The following DPF3 variants were observed in gnomAD, a reference collection of about 807,000 sequenced individuals.
DPF3 encodes the protein double PHD fingers 3.
DPF3 carries 18 observed loss-of-function variants against 56.8 expected under a neutral mutation model. The ratio of observed to expected loss-of-function variants is 0.32; its 90% CI spans 0.22 to 0.47. DPF3 has a LOEUF of 0.47. Among genes scored for constraint, DPF3 ranks in the 20% least tolerant of loss-of-function variants. The probability of loss-of-function intolerance (pLI) is 1.00; values close to 1 mark genes in which losing one functional copy is unlikely to be tolerated. For synonymous variants in DPF3, 188 were observed against 180.2 expected (o/e 1.04, Z -0.35); for missense variants, 403 against 488.8 (o/e 0.82, Z 1.65).
At position 72,618,058 on chromosome 14, in the gene DPF3, AT is replaced by A. The variant is rs564795126; in HGVS notation, c.*1238del. ...CTCCCCACCTCTTTCTTCTAGACAC[AT>A]TTTTTTTTGAAAACAAGAGTCCTGC... On this transcript the variant is annotated 3_prime_UTR_variant, in exon 11 of 11. Coordinates refer to ENST00000556509, the MANE Select transcript of DPF3 (RefSeq NM_001280542.3). Among the ~76,000 whole-genome samples the A allele has an allele frequency of 6.6e-6, 1 of 151,220 alleles. No individual in the cohort carries two copies. The highest frequency in any genetic ancestry group is 2.4e-5 in the African/African-American group (1 of 41,194).
At chr14:72,703,129 G>T (rs1888247875) in intron 6 of DPF3, among the ~76,000 whole-genome samples, 3 of 152,140 alleles carry the variant, frequency 2.0e-5, no homozygotes, top group Admixed American at 2.0e-4. Context: ...ATAGGAAAAT[G>T]ATGAGGCTCC....
chr14:72,759,742 A>G (rs888775317), intron 2 of DPF3, among the ~76,000 whole-genome samples: 1 of 152,202 alleles, frequency 6.6e-6, no homozygotes, highest in African/African-American at 2.4e-5. Context: ...CATAATCAAA[A>G]CTGCTCAAAA....
At position 72,793,879 on chromosome 14, in the gene DPF3, C is replaced by G. The variant is rs1892537870; in HGVS notation, c.33-21986G>C. On this transcript the variant is annotated intron_variant, in intron 1 of 10. Coordinates refer to ENST00000556509, the MANE Select transcript of DPF3 (RefSeq NM_001280542.3). ...CAAGAGAAAATGCCTTGCTGGCCAG[C>G]TGGGTTCTCTGGCCACCCTCCAGCC... Among the ~76,000 whole-genome samples, 4 of 152,228 alleles carry G rather than the reference C, an allele frequency of 2.6e-5. No individual in the cohort carries two copies. The South Asian group carries it at 8.3e-4, about 32-fold the overall frequency.
intron 8 of DPF3, among the ~76,000 whole-genome samples, chr14:72,650,039 T>A (rs539197945): frequency 8.3e-4 from 126 of 152,166 alleles, no homozygotes; most frequent in Non-Finnish European, 1.4e-3. Flanking sequence ...TGGCCTCCCC[T>A]GCCAGAGGGC....
At chr14:72,707,598 A>G (rs1469866949) in intron 6 of DPF3, among the ~76,000 whole-genome samples, 3 of 152,218 alleles carry the variant, frequency 2.0e-5, no homozygotes, top group Non-Finnish European at 4.4e-5. Context: ...TGACACAGAA[A>G]GATGTTCCTG....
At chr14:72,656,308 C>T (rs1886060791) in intron 8 of DPF3, among the ~76,000 whole-genome samples, 1 of 152,194 alleles carries the variant, frequency 6.6e-6, no homozygotes. Flanking sequence ...CACATCATTC[C>T]TAGTTTAACG....
At chr14:72,852,000 GA>G (rs1885003746) in intron 1 of DPF3, among the ~76,000 whole-genome samples, 1 of 152,246 alleles carries the variant, frequency 6.6e-6, no homozygotes, top group South Asian at 2.1e-4. Context: ...ACGCTTTCAA[GA>G]AGAACATTAT....
chr14:72,634,262 T>C (rs116835357), intron 8 of DPF3, among the ~76,000 whole-genome samples: 1,826 of 152,272 alleles, frequency 0.012, 38 homozygotes, highest in African/African-American at 0.042. Context: ...TGCCCAGAAC[T>C]AAATCCTCCT....
chr14:72,769,299 G>C (rs1020301720), intron 2 of DPF3, among the ~76,000 whole-genome samples: 21 of 152,160 alleles, frequency 1.4e-4, no homozygotes, highest in African/African-American at 4.8e-4. Context: ...GTCCTGGAGA[G>C]GAGGAAGTGT....
intron 8 of DPF3, among the ~76,000 whole-genome samples, chr14:72,640,074 A>AAAAAAAAAAAAAAAAAAAAAAAAAAAG (rs1885507231): frequency 9.3e-6 from 1 of 107,886 alleles, no homozygotes; most frequent in Non-Finnish European, 2.1e-5. Context: ...AAAAAAAAAA[A>AAAAAAAAAAAAAAAAAAAAAAAAAAAG]AAAAAATGGA....
chr14:72,702,043 A>G (rs1437589280), intron 6 of DPF3, among the ~76,000 whole-genome samples: 1 of 152,210 alleles, frequency 6.6e-6, no homozygotes, highest in Non-Finnish European at 1.5e-5. Context: ...CCACAGATGA[A>G]GAAACTGAGT....
At chr14:72,695,858 G>T (rs962038297) in intron 6 of DPF3, among the ~76,000 whole-genome samples, 1 of 151,864 alleles carries the variant, frequency 6.6e-6, no homozygotes, top group Admixed American at 6.6e-5. Flanking sequence ...AAATAAATAG[G>T]CCTATCATTG....
At chr14:72,692,505 A>G (rs1026171937) in intron 7 of DPF3, among the ~76,000 whole-genome samples, 1 of 152,216 alleles carries the variant, frequency 6.6e-6, no homozygotes, top group African/African-American at 2.4e-5. Context: ...CCAACATCCC[A>G]AACGACAAAT....
intron 1 of DPF3, among the ~76,000 whole-genome samples, chr14:72,852,294 C>T (rs1158221326): frequency 6.6e-6 from 1 of 152,222 alleles, no homozygotes; most frequent in Non-Finnish European, 1.5e-5. Flanking sequence ...GCCGTGTGTA[C>T]CCAGCCGGGC....
In DPF3 at chr14:72,729,074, C is replaced by T. The variant is rs551385484; in HGVS notation, c.429+2733G>A. On this transcript the variant is annotated intron_variant, in intron 4 of 10. Coordinates refer to ENST00000556509, the MANE Select transcript of DPF3 (RefSeq NM_001280542.3). Reference sequence around the variant, plus strand: ...ACCAGCCTGGCAAACATGGTGAATCCGCGTCTCTACTAAAAATACAAAAAT... The same window carrying T: ...ACCAGCCTGGCAAACATGGTGAATCTGCGTCTCTACTAAAAATACAAAAAT... 4.6e-5 allele frequency among the ~76,000 whole-genome samples: 7 copies of T among 151,782 alleles called. No individual in the cohort carries two copies. In the East Asian group the frequency reaches 9.7e-4, roughly 21 times the overall value.
At chr14:72,667,692 G>C (rs1886497944) in intron 8 of DPF3, among the ~76,000 whole-genome samples, 1 of 152,186 alleles carries the variant, frequency 6.6e-6, no homozygotes, top group African/African-American at 2.4e-5. Flanking sequence ...ATATTCCGCA[G>C]AGAATCTGAA....
At chr14:72,627,997 T>C (rs187957599) in intron 9 of DPF3, among the ~76,000 whole-genome samples, 24 of 152,250 alleles carry the variant, frequency 1.6e-4, no homozygotes, top group Admixed American at 1.4e-3. Flanking sequence ...CCTTTTATGT[T>C]TGAGTTAGCT....
intron 7 of DPF3, among the ~76,000 whole-genome samples, chr14:72,690,614 C>T (rs998959629): frequency 4.6e-5 from 7 of 151,206 alleles, no homozygotes; most frequent in East Asian, 3.9e-4. Flanking sequence ...ACAACATGCA[C>T]GCACACACAC....
chr14:72,802,302 T>C (rs1365508642), intron 1 of DPF3, among the ~76,000 whole-genome samples: 1 of 152,154 alleles, frequency 6.6e-6, no homozygotes, highest in East Asian at 1.9e-4. Flanking sequence ...AGACCCATGT[T>C]CTCACCCTGT....
Sources: allele counts gnomAD v4.1 joint callset (sites outside exome capture counted in the v4.1 genomes callset), GRCh38; gene constraint gnomAD v4.1.1; transcripts MANE v1.5; gene names NCBI Gene and HGNC (gene_info 2026-07-23, HGNC 2026-07-21).